The following LMAN1 variants were observed in gnomAD, a reference collection of about 807,000 sequenced individuals.
LMAN1 encodes protein ERGIC-53.
Under a neutral mutation model 67.8 loss-of-function variants are expected in LMAN1, and 32 were observed. That is an observed-to-expected ratio of 0.47 (90% CI 0.36 to 0.63). LMAN1 has a LOEUF of 0.63. Among genes scored for constraint, LMAN1 ranks in the 30% least tolerant of loss-of-function variants. LMAN1 has a pLI of 0.00. For missense variants in LMAN1, 632 were observed against 628.2 expected, an observed-to-expected ratio of 1.01 and a Z score of -0.06; for synonymous variants, 235 against 219.3, an observed-to-expected ratio of 1.07 and a Z score of -0.63.
At chr18:59,341,936 T>C (rs887446821) in intron 8 of LMAN1, among the ~76,000 whole-genome samples, 2 of 151,974 alleles carry the variant, frequency 1.3e-5, no homozygotes, top group African/African-American at 4.8e-5. Context: ...AACCACTAGC[T>C]AGACTAGGCA....
At chr18:59,334,525 A>G (rs1456997527) in intron 10 of LMAN1, among the ~76,000 whole-genome samples, 1 of 152,242 alleles carries the variant, frequency 6.6e-6, no homozygotes, top group Non-Finnish European at 1.5e-5. Context: ...TTTAGGAAAC[A>G]GGTCAAGTGA....
chr18:59,356,656 A>G (rs1908666277), intron 1 of LMAN1, among the ~76,000 whole-genome samples: 1 of 149,182 alleles, frequency 6.7e-6, no homozygotes. Context: ...TGTTACTTAC[A>G]AACATTCAAA....
chr18:59,345,457 C>G (rs919805319), intron 8 of LMAN1, among the ~76,000 whole-genome samples: 1 of 152,168 alleles, frequency 6.6e-6, no homozygotes, highest in African/African-American at 2.4e-5. Flanking sequence ...ACTTTCACAA[C>G]AGTTTTGATA....
intron 8 of LMAN1, among the ~76,000 whole-genome samples, chr18:59,343,108 C>T (rs1908324775): frequency 6.7e-6 from 1 of 149,614 alleles, no homozygotes; most frequent in Non-Finnish European, 1.5e-5. Flanking sequence ...GGAAAGCTCT[C>T]CATAAGGAGA....
At chr18:59,331,332 T>C (rs2070746048) in intron 12 of LMAN1, 86 bp downstream of exon 12, 1 of 1,366,120 alleles carries the variant, frequency 7.3e-7, no homozygotes, top group African/African-American at 1.4e-5. Context: ...GTGAAAATTG[T>C]ATTATGAACA....
intron 10 of LMAN1, chr18:59,333,508 T>C (rs1908074809): frequency 2.6e-6 from 1 of 383,676 alleles, no homozygotes; most frequent in African/African-American, 2.1e-5. Context: ...AAACCAATAG[T>C]ATAAGTGGAT....
chr18:59,355,907 T>C (rs573295504), intron 1 of LMAN1, among the ~76,000 whole-genome samples: 2 of 152,262 alleles, frequency 1.3e-5, no homozygotes, highest in Non-Finnish European at 2.9e-5. Context: ...AAGGGAATTA[T>C]GACTTTAAGG....
chr18:59,347,407 G>A (rs1390163926), intron 7 of LMAN1, 106 bp downstream of exon 7: 6 of 592,464 alleles, frequency 1.0e-5, no homozygotes, highest in East Asian at 4.4e-5. Context: ...AGACCATATA[G>A]CAGTAACTGG....
At chr18:59,342,211 G>A (rs747003736) in intron 8 of LMAN1, among the ~76,000 whole-genome samples, 2 of 151,864 alleles carry the variant, frequency 1.3e-5, no homozygotes, top group Non-Finnish European at 2.9e-5. Flanking sequence ...AACAACAGCC[G>A]GGACTAGATG....
intron 8 of LMAN1, among the ~76,000 whole-genome samples, chr18:59,341,325 T>C (rs528779863): frequency 5.3e-5 from 8 of 152,184 alleles, no homozygotes; most frequent in African/African-American, 1.2e-4. Context: ...CAAAGAAACA[T>C]TGGGCTTAAA....
intron 8 of LMAN1, among the ~76,000 whole-genome samples, chr18:59,339,543 T>C (rs764533347): frequency 2.0e-5 from 3 of 152,148 alleles, no homozygotes; most frequent in Non-Finnish European, 2.9e-5. Flanking sequence ...GCTGGACATA[T>C]GGAACTGCCT....
At chr18:59,347,257 C>G (rs1396755355) in intron 7 of LMAN1, among the ~76,000 whole-genome samples, 11 of 132,444 alleles carry the variant, frequency 8.3e-5, no homozygotes, top group Admixed American at 2.7e-4. Flanking sequence ...GGAGGCGGAG[C>G]TTGCAGAGAG....
At chr18:59,358,130 G>A (rs1006394610) in intron 1 of LMAN1, among the ~76,000 whole-genome samples, 1 of 152,188 alleles carries the variant, frequency 6.6e-6, no homozygotes, top group Non-Finnish European at 1.5e-5. Context: ...TCCTTAGTCA[G>A]CAGTGACACA....
intron 5 of LMAN1, among the ~76,000 whole-genome samples, chr18:59,349,993 CAGG>C (rs1908505504): frequency 6.6e-6 from 1 of 152,144 alleles, no homozygotes; most frequent in South Asian, 2.1e-4. Flanking sequence ...AGGGTGGTTG[CAGG>C]AGAAGGCCCA....
intron 6 of LMAN1, 35 bp downstream of exon 6, chr18:59,349,078 A>G: frequency 6.2e-7 from 1 of 1,613,160 alleles, no homozygotes; most frequent in East Asian, 2.2e-5. Flanking sequence ...AACACACCTC[A>G]CAAACTTTTA....
chr18:59,332,285 A>T (rs996585518), intron 11 of LMAN1, among the ~76,000 whole-genome samples: 1 of 151,674 alleles, frequency 6.6e-6, no homozygotes, highest in Non-Finnish European at 1.5e-5. Context: ...AAGGGGACAG[A>T]TAATAATGCT....
intron 5 of LMAN1, among the ~76,000 whole-genome samples, chr18:59,349,962 AAAC>A (rs2144227376): frequency 6.6e-6 from 1 of 152,256 alleles, no homozygotes; most frequent in Non-Finnish European, 1.5e-5. Flanking sequence ...GTCCCACCCT[AAAC>A]AACAGTCACT....
At chr18:59,350,157 T>C (rs987157979) in intron 5 of LMAN1, among the ~76,000 whole-genome samples, 1 of 152,248 alleles carries the variant, frequency 6.6e-6, no homozygotes, top group Admixed American at 6.5e-5. Flanking sequence ...AGTTACTCTC[T>C]ATATACTGTA....
chr18:59,339,711 A>AG (rs952753418), intron 8 of LMAN1, among the ~76,000 whole-genome samples: 2 of 152,116 alleles, frequency 1.3e-5, no homozygotes, highest in East Asian at 1.9e-4. Flanking sequence ...CAAGGAGAGA[A>AG]GGGGGGACAC....
Sources: allele counts gnomAD v4.1 joint callset (sites outside exome capture counted in the v4.1 genomes callset), GRCh38; gene constraint gnomAD v4.1.1; transcripts MANE v1.5; gene names NCBI Gene and HGNC (gene_info 2026-07-23, HGNC 2026-07-21).